Variants in PIWIL1 observed in about 807,000 individuals in gnomAD.
PIWIL1 encodes the protein piwi like RNA-mediated gene silencing 1, also known as piwi-like protein 1.
In PIWIL1, 73 loss-of-function variants were observed where a neutral mutation model predicts 114.4. That is an observed-to-expected ratio of 0.64 (90% CI 0.53 to 0.78). The LOEUF is 0.78. Ranked by LOEUF, PIWIL1 falls within the 30% of genes least tolerant of loss-of-function variation. PIWIL1 has a pLI of 0.00. For missense variants in PIWIL1, 723 were observed against 1,063.1 expected, an observed-to-expected ratio of 0.68 and a Z score of 4.45; for synonymous variants, 375 against 369.0, an observed-to-expected ratio of 1.02 and a Z score of -0.19.
chr12:130,403,926 C>G, the PIWIL1 span, among the ~76,000 whole-genome samples: 25 of 152,244 alleles, frequency 1.6e-4, no homozygotes, highest in African/African-American at 4.8e-4. Flanking sequence ...GATACTTTCT[C>G]CGTATTATAA....
At chr12:130,376,682 T>C (rs2073869153), downstream of PIWIL1, among the ~76,000 whole-genome samples, 1 of 152,212 alleles carries the variant, frequency 6.6e-6, no homozygotes, top group Non-Finnish European at 1.5e-5. Flanking sequence ...GTTTATCAGC[T>C]TCACTTTCAA....
At chr12:130,360,077 A>G (rs966299102) in intron 14 of PIWIL1, among the ~76,000 whole-genome samples, 2 of 152,212 alleles carry the variant, frequency 1.3e-5, no homozygotes, top group African/African-American at 4.8e-5. Context: ...GTTTTCATAC[A>G]GCCACATTGC....
At chr12:130,395,380 G>A in the PIWIL1 span, among the ~76,000 whole-genome samples, 3 of 152,226 alleles carry the variant, frequency 2.0e-5, no homozygotes, top group Non-Finnish European at 4.4e-5. Flanking sequence ...GTAATTAAAT[G>A]TGACTTAAGC....
At chr12:130,424,304 G>A in the PIWIL1 span, 12 of 1,231,420 alleles carry the variant, frequency 9.7e-6, no homozygotes, top group Non-Finnish European at 1.2e-5. The surrounding 1 kb of genome is among the most constrained non-coding windows in gnomAD (Gnocchi z 9.8). Flanking sequence ...GGCCGGGCTG[G>A]GGGTCGTCGT....
intron 14 of PIWIL1, 23 bp downstream of exon 14, chr12:130,357,576 G>A: frequency 6.6e-7 from 1 of 1,517,472 alleles, no homozygotes; most frequent in South Asian, 1.1e-5. Flanking sequence ...TTGACATATA[G>A]GCAGTTTTCG....
the PIWIL1 span, among the ~76,000 whole-genome samples, chr12:130,422,798 T>G: frequency 1.3e-5 from 2 of 152,046 alleles, no homozygotes; most frequent in East Asian, 3.9e-4. This position sits in a 1 kb window ranked among gnomAD's most constrained non-coding sequence, Gnocchi z 5.2. Flanking sequence ...TAATTCCTTG[T>G]GGGGGGGTCT....
chr12:130,405,213 A>AC, the PIWIL1 span, among the ~76,000 whole-genome samples: 8 of 148,482 alleles, frequency 5.4e-5, no homozygotes, highest in South Asian at 6.2e-4. Context: ...ACACACACAC[A>AC]AAGTTAAAAA....
chr12:130,343,824 TC>T (rs1480786542), intron 3 of PIWIL1, among the ~76,000 whole-genome samples: 1 of 152,110 alleles, frequency 6.6e-6, no homozygotes, highest in African/African-American at 2.4e-5. Flanking sequence ...AGATGGGGTT[TC>T]ACCGTGTTAG....
intron 14 of PIWIL1, among the ~76,000 whole-genome samples, chr12:130,360,440 T>C (rs565251103): frequency 1.2e-4 from 19 of 152,144 alleles, no homozygotes; most frequent in African/African-American, 4.6e-4. Context: ...TGAGAACATC[T>C]TGGCCGACAC....
chr12:130,390,447 C>A, the PIWIL1 span, among the ~76,000 whole-genome samples: 99 of 152,246 alleles, frequency 6.5e-4, no homozygotes, highest in African/African-American at 2.3e-3. Context: ...AAAATAATAT[C>A]TTGCTTCAGG....
chr12:130,379,315 A>G, the PIWIL1 span, among the ~76,000 whole-genome samples: 57 of 152,334 alleles, frequency 3.7e-4, no homozygotes, highest in African/African-American at 1.3e-3. Context: ...GAATTGTACA[A>G]ATTTTTTTCT....
chr12:130,390,603 A>G, the PIWIL1 span, among the ~76,000 whole-genome samples: 1 of 152,116 alleles, frequency 6.6e-6, no homozygotes, highest in Non-Finnish European at 1.5e-5. Flanking sequence ...AGCTTGGGCA[A>G]TGGGTACCAG....
chr12:130,342,252 A>C (rs1367892363), intron 1 of PIWIL1: 3 of 321,694 alleles, frequency 9.3e-6, no homozygotes, highest in Non-Finnish European at 1.7e-5. Flanking sequence ...GGAAAGAAAG[A>C]ACCAGCCACC....
chr12:130,392,779 C>T, the PIWIL1 span, among the ~76,000 whole-genome samples: 203 of 131,042 alleles, frequency 1.5e-3, 1 homozygote, highest in African/African-American at 4.8e-3. Flanking sequence ...TGTGAGGACC[C>T]AGTCACCGTC....
At chr12:130,355,126 T>C (rs2073328639) in intron 11 of PIWIL1, 121 bp downstream of exon 11, 1 of 716,098 alleles carries the variant, frequency 1.4e-6, no homozygotes. Context: ...ATCTGTAGTA[T>C]TTGGGGTGGG....
chr12:130,395,262 G>T, the PIWIL1 span, among the ~76,000 whole-genome samples: 1 of 152,104 alleles, frequency 6.6e-6, no homozygotes, highest in Non-Finnish European at 1.5e-5. Flanking sequence ...TACAATTTTC[G>T]GTCATAAAAC....
intron 16 of PIWIL1, among the ~76,000 whole-genome samples, chr12:130,362,011 G>C (rs1198194503): frequency 2.0e-5 from 3 of 152,194 alleles, no homozygotes; most frequent in African/African-American, 7.2e-5. Flanking sequence ...GCCAAGAATA[G>C]TAATATATGA....
the PIWIL1 span, chr12:130,424,348 C>T: frequency 8.1e-6 from 10 of 1,232,418 alleles, no homozygotes; most frequent in Non-Finnish European, 1.0e-5. This position sits in a 1 kb window ranked among gnomAD's most constrained non-coding sequence, Gnocchi z 9.8. Flanking sequence ...ACCTGCTCCC[C>T]AAAGTCCTCC....
At chr12:130,349,120 T>C in intron 7 of PIWIL1, 119 bp from the exon 8 acceptor site, 1 of 624,362 alleles carries the variant, frequency 1.6e-6, no homozygotes, top group Non-Finnish European at 2.8e-6. Context: ...ATAAGGAAAT[T>C]GATTCATTCA....
Sources: gnomAD v4.1 joint callset for allele counts (sites outside exome capture counted in the v4.1 genomes callset) on GRCh38, gnomAD v4.1.1 for gene constraint, Gnocchi (gnomAD v3.1) non-coding constraint, MANE v1.5 for transcripts, NCBI Gene and HGNC (gene_info 2026-07-23, HGNC 2026-07-21) for gene names.